MGAT4C: variants seen among roughly 807,000 people sequenced by gnomAD.
MGAT4C encodes MGAT4 family member C, also known as alpha-1,3-mannosyl-glycoprotein 4-beta-N-acetylglucosaminyltransferase C.
A neutral mutation model predicts 40.1 loss-of-function variants in MGAT4C; 19 were observed. That is an observed-to-expected ratio of 0.47 (90% CI 0.33 to 0.70). The LOEUF is 0.70. Among genes scored for constraint, MGAT4C ranks in the 30% least tolerant of loss-of-function variants. The pLI is 0.02. For missense variants in MGAT4C, 491 were observed against 563.2 expected (o/e 0.87, Z 1.30); for synonymous variants, 181 against 187.1 (o/e 0.97, Z 0.27).
chr12:86,167,913 G>C (rs1886362954), intron 1 of MGAT4C, among the ~76,000 whole-genome samples: 1 of 152,136 alleles, frequency 6.6e-6, no homozygotes, highest in Non-Finnish European at 1.5e-5. Context: ...AAAAATCTAT[G>C]AGCTACCTCT....
Position 86,378,749 on chromosome 12 carries a change from C to T in MGAT4C, c.-119-44622G>A, listed in dbSNP as rs1014572272. On this transcript the variant is annotated intron_variant, in intron 3 of 7. Coordinates refer to the MGAT4C transcript ENST00000548651. ...CAAGAAGATGAGTAAATCAATCTCACGATACTAATCTAGAAATAATCTTCA... is the reference window on the plus strand; with the variant it reads ...CAAGAAGATGAGTAAATCAATCTCATGATACTAATCTAGAAATAATCTTCA... Among the ~76,000 whole-genome samples the T allele has an allele frequency of 2.7e-4, 41 of 152,224 alleles. No individual in the cohort carries two copies. In the East Asian group the frequency reaches 5.0e-3, roughly 19 times the overall value.
chr12:86,643,638 G>A (rs1014389115), intron 2 of MGAT4C, among the ~76,000 whole-genome samples: 2 of 151,782 alleles, frequency 1.3e-5, no homozygotes, highest in African/African-American at 2.4e-5. Context: ...GTCCAAAATA[G>A]ACAAATTCAT....
At chr12:86,594,512 T>C (rs1961455509) in intron 2 of MGAT4C, among the ~76,000 whole-genome samples, 1 of 152,176 alleles carries the variant, frequency 6.6e-6, no homozygotes, top group East Asian at 1.9e-4. Flanking sequence ...TAAAATCCAC[T>C]TGTTACAAAA....
At chr12:86,694,132 A>G (rs1173308561) in intron 2 of MGAT4C, among the ~76,000 whole-genome samples, 1 of 151,998 alleles carries the variant, frequency 6.6e-6, no homozygotes. Flanking sequence ...CATGACCAAA[A>G]CTCTAACTGA....
At chr12:86,041,037 G>T (rs1426975984) in intron 2 of MGAT4C, among the ~76,000 whole-genome samples, 11 of 152,102 alleles carry the variant, frequency 7.2e-5, no homozygotes, top group African/African-American at 2.4e-4. Context: ...TCAATGAGAT[G>T]AATCGGGTAC....
intron 1 of MGAT4C, among the ~76,000 whole-genome samples, chr12:86,073,667 T>C (rs1017330696): frequency 4.6e-5 from 7 of 151,952 alleles, no homozygotes; most frequent in African/African-American, 1.2e-4. Flanking sequence ...TGGACTTGCA[T>C]GGGCCCTGTA....
At chr12:86,428,363 C>T (rs1956972070) in intron 3 of MGAT4C, among the ~76,000 whole-genome samples, 1 of 152,094 alleles carries the variant, frequency 6.6e-6, no homozygotes, top group Non-Finnish European at 1.5e-5. Flanking sequence ...GAGAGCAGGA[C>T]TGAGGAGCAT....
At chr12:86,191,750 A>G (rs1183409041) in intron 1 of MGAT4C, among the ~76,000 whole-genome samples, 2 of 20,824 alleles carry the variant, frequency 9.6e-5, no homozygotes, top group Admixed American at 5.0e-4. Context: ...CAGGAGATAA[A>G]GGTGTGTGTG....
At chr12:86,094,205 A>G (rs1873447846) in intron 1 of MGAT4C, among the ~76,000 whole-genome samples, 2 of 152,290 alleles carry the variant, frequency 1.3e-5, no homozygotes, top group Non-Finnish European at 1.5e-5. Flanking sequence ...AAGGGAGAGA[A>G]AATAAGGTTG....
intron 1 of MGAT4C, among the ~76,000 whole-genome samples, chr12:86,791,440 T>G (rs1461219934): frequency 4.0e-5 from 6 of 151,748 alleles, no homozygotes; most frequent in African/African-American, 7.2e-5. Context: ...TGTTTTTTTT[T>G]TTTTTTTTTT....
chr12:86,411,747 C>T (rs1956609225), intron 3 of MGAT4C, among the ~76,000 whole-genome samples: 1 of 152,092 alleles, frequency 6.6e-6, no homozygotes, highest in African/African-American at 2.4e-5. Context: ...TAAAGAGGAG[C>T]TAAATGTTAG....
At chr12:86,539,643 G>A (rs994214265) in intron 2 of MGAT4C, among the ~76,000 whole-genome samples, 1 of 152,174 alleles carries the variant, frequency 6.6e-6, no homozygotes, top group African/African-American at 2.4e-5. Context: ...CCCACCAACA[G>A]TGTAAAAGTG....
At chr12:86,403,590 C>T (rs930111813) in intron 3 of MGAT4C, among the ~76,000 whole-genome samples, 9 of 152,116 alleles carry the variant, frequency 5.9e-5, no homozygotes, top group Non-Finnish European at 1.0e-4. Flanking sequence ...TTATATGCCT[C>T]TATTAGAAAT....
intron 1 of MGAT4C, among the ~76,000 whole-genome samples, chr12:86,131,978 A>C (rs1186452102): frequency 6.6e-6 from 1 of 152,186 alleles, no homozygotes; most frequent in African/African-American, 2.4e-5. Context: ...AAAGGCAGTA[A>C]AATTATAAAT....
intron 1 of MGAT4C, among the ~76,000 whole-genome samples, chr12:86,158,217 A>G (rs1016180291): frequency 6.6e-6 from 1 of 152,114 alleles, no homozygotes; most frequent in Non-Finnish European, 1.5e-5. Context: ...AGACTCTCAT[A>G]CAAATACATT....
chr12:85,986,554 G>A (rs1053206576), intron 3 of MGAT4C, among the ~76,000 whole-genome samples: 1 of 152,074 alleles, frequency 6.6e-6, no homozygotes, highest in African/African-American at 2.4e-5. Context: ...GGCCACAAAT[G>A]GATTTTCTAA....
chr12:86,295,771 G>C lies in MGAT4C; in HGVS notation c.-57+38294C>G, dbSNP rs144770244. Among the ~76,000 whole-genome samples, 30 of 152,154 alleles carry C rather than the reference G, an allele frequency of 2.0e-4. No homozygotes were observed. The Middle Eastern group carries it at 0.01, about 52-fold the overall frequency. ...TCAGATTAGTTAGATACAGAGTTTC[G>C]ACATACAGGTTCTCCAAGGCCCCAC... is the stretch of plus-strand genomic sequence containing the variant. On this transcript the variant is annotated intron_variant, in intron 4 of 7. Transcript: ENST00000548651.
At chr12:86,360,148 A>G (rs1168919077) in intron 3 of MGAT4C, among the ~76,000 whole-genome samples, 1 of 152,174 alleles carries the variant, frequency 6.6e-6, no homozygotes, top group Admixed American at 6.5e-5. Flanking sequence ...TGATCAAGTC[A>G]GCTTCATCCC....
Position 85,967,771 on chromosome 12 carries a change from G to A in MGAT4C, c.*11518C>T, listed in dbSNP as rs1284087731. 13 of 151,950 alleles carry A rather than the reference G, an allele frequency of 8.6e-5. No homozygotes were observed. Among genetic ancestry groups the A allele is most frequent in the Admixed American group, 8.5e-4 (13 of 15,232 alleles). The allele number at this position is 151,950 out of a possible 1,614,324, so 9.4% of individuals were successfully genotyped here. ...AGAAATGACTGAGAAATTTTGAGTT[G>A]GAATTGATATAGGGGAATCCTTGGA... On this transcript the variant is annotated 3_prime_UTR_variant, in exon 5 of 5. Transcript: ENST00000611864.
Sources: gnomAD v4.1 joint callset for allele counts (sites outside exome capture counted in the v4.1 genomes callset) on GRCh38, gnomAD v4.1.1 for gene constraint, MANE v1.5 for transcripts, NCBI Gene and HGNC (gene_info 2026-07-23, HGNC 2026-07-21) for gene names.